FAM110B: variants seen among roughly 807,000 people sequenced by gnomAD.
The protein encoded by FAM110B is family with sequence similarity 110 member B.
A neutral mutation model predicts 20.4 loss-of-function variants in FAM110B; 6 were observed. The ratio of observed to expected loss-of-function variants is 0.29; its 90% confidence interval spans 0.16 to 0.58. FAM110B has a LOEUF of 0.58. Ranked by LOEUF, FAM110B falls within the 20% of genes least tolerant of loss-of-function variation. The pLI is 0.90. For missense variants in FAM110B, 434 were observed against 498.2 expected, an observed-to-expected ratio of 0.87 and a Z score of 1.23; for synonymous variants, 226 against 214.1, an observed-to-expected ratio of 1.06 and a Z score of -0.49.
At position 58,105,556 on chromosome 8, in the gene FAM110B, A is replaced by ATTTTTTTTTT. The variant is rs71557704; in HGVS notation, c.-325+29954_-325+29963dup. 3.1e-4 allele frequency among the ~76,000 whole-genome samples: 29 copies of ATTTTTTTTTT among 94,634 alleles called. 2 individuals are homozygous for ATTTTTTTTTT. The highest frequency in any genetic ancestry group is 4.5e-4 in the Non-Finnish European group (23 of 50,628). 62.1% of individuals were successfully genotyped at this position (94,634 alleles called of 152,430 possible). A position where few individuals can be genotyped will look rare whatever the true frequency, so the allele number is the denominator to read the frequency against. On this transcript the variant is annotated intron_variant, in intron 3 of 3. Coordinates refer to ENST00000519262, the MANE Select transcript of FAM110B (RefSeq NM_001377989.1). ...TGAAAATGAATGAATGAATGAATGA[A>ATTTTTTTTTT]TTTTTTTTTTTTTTTTTTTTTTTTT... is the stretch of plus-strand genomic sequence containing the variant.
chr8:58,058,060 A>G (rs1023689606), intron 2 of FAM110B, among the ~76,000 whole-genome samples: 4 of 152,144 alleles, frequency 2.6e-5, no homozygotes, highest in African/African-American at 9.7e-5. Context: ...ATGTGGCTTT[A>G]TTATTGTTTT....
intron 3 of FAM110B, among the ~76,000 whole-genome samples, chr8:58,093,042 CT>C (rs1269254513): frequency 8.5e-5 from 13 of 152,138 alleles, no homozygotes; most frequent in Admixed American, 5.9e-4. Flanking sequence ...GCATAAATGT[CT>C]TCTTTTGAAA....
rs571155557 is a variant in FAM110B at position 58,013,211 on chromosome 8, C to A, written c.-511-18395C>A. Among the ~76,000 whole-genome samples the A allele has an allele frequency of 3.3e-5, 5 of 152,330 alleles. No individual in the cohort carries two copies. The South Asian group carries it at 1.0e-3, about 32-fold the overall frequency. On this transcript the variant is annotated intron_variant, in intron 1 of 3. Coordinates refer to ENST00000519262, the MANE Select transcript of FAM110B (RefSeq NM_001377989.1). ...TCTTTACTGCACTAGATGGCAAATG[C>A]CTGCTGTTACAGAATCTTTCCCCAA...
intron 1 of FAM110B, among the ~76,000 whole-genome samples, chr8:58,009,195 T>C (rs1462193130): frequency 1.3e-5 from 2 of 152,256 alleles, no homozygotes; most frequent in Non-Finnish European, 2.9e-5. Flanking sequence ...ACCTCTCTGC[T>C]GCTTTGAGAG....
chr8:58,025,403 G>T (rs575853414), intron 1 of FAM110B, among the ~76,000 whole-genome samples: 1 of 152,156 alleles, frequency 6.6e-6, no homozygotes, highest in African/African-American at 2.4e-5. Flanking sequence ...CCTGATGAGA[G>T]GGTGCTGTAG....
rs546513191 is a variant in FAM110B at position 58,095,513 on chromosome 8, G to A, written c.-325+19890G>A. 2.0e-5 allele frequency among the ~76,000 whole-genome samples: 3 copies of A among 152,266 alleles called. No individual in the cohort carries two copies. In the South Asian group the frequency reaches 6.2e-4, roughly 32 times the overall value. The stretch of plus-strand genomic sequence containing the variant: ...CGTTATTTTTCTAGTAGTCATTCAG[G>A]AGCAGGTTGTTTGGTTTCCATGTAG... On this transcript the variant is annotated intron_variant, in intron 3 of 3. Transcript: ENST00000519262.
chr8:58,001,476 A>G (rs1347386925), intron 1 of FAM110B, among the ~76,000 whole-genome samples: 6 of 152,078 alleles, frequency 3.9e-5, no homozygotes, highest in African/African-American at 1.2e-4. Flanking sequence ...TCAATGTGAC[A>G]TGTGTTTTAA....
chr8:58,088,586 A>G (rs1159112165), intron 3 of FAM110B, among the ~76,000 whole-genome samples: 1 of 152,220 alleles, frequency 6.6e-6, no homozygotes, highest in East Asian at 1.9e-4. Flanking sequence ...CTCATTCCCC[A>G]AACTTTAGAA....
At chr8:58,018,827 T>C (rs1438029563) in intron 1 of FAM110B, among the ~76,000 whole-genome samples, 1 of 151,886 alleles carries the variant, frequency 6.6e-6, no homozygotes, top group Non-Finnish European at 1.5e-5. Context: ...GATAGATAGA[T>C]AGATAGATAG....
At chr8:58,015,643 C>T (rs768836045) in intron 1 of FAM110B, among the ~76,000 whole-genome samples, 4 of 151,758 alleles carry the variant, frequency 2.6e-5, no homozygotes, top group Non-Finnish European at 4.4e-5. Context: ...GTCAGGAGTT[C>T]GAGACCAGCC....
At chr8:58,040,310 G>A (rs1461758051) in intron 2 of FAM110B, among the ~76,000 whole-genome samples, 1 of 152,186 alleles carries the variant, frequency 6.6e-6, no homozygotes, top group African/African-American at 2.4e-5. Context: ...CACAGAAGCA[G>A]TTTGCTTTCC....
chr8:58,107,144 A>G (rs1422301292), intron 3 of FAM110B, among the ~76,000 whole-genome samples: 1 of 152,194 alleles, frequency 6.6e-6, no homozygotes, highest in Non-Finnish European at 1.5e-5. Context: ...AAATTAGTTA[A>G]CACATTCTCA....
rs760061732 is a variant in FAM110B at position 58,146,572 on chromosome 8, G to C, written c.342G>C (p.Glu114Asp). Residue 114 changes from glutamate to aspartate, a missense_variant, in exon 4 of 4, where the codon GAG (glutamate) becomes GAC (aspartate). By Grantham distance (45) the Glu-to-Asp change is conservative. Coordinates refer to ENST00000519262, the MANE Select transcript of FAM110B (RefSeq NM_001377989.1). The stretch of plus-strand genomic sequence containing the variant: ...AGACCGAGAGCGGCGTGCAGAGGGA[G>C]AACCTGAAGCTGGAGATCCTGAAGA... Reference protein sequence around the residue: ...HAKTESGVQRENLKLEILKNI... With the variant: ...HAKTESGVQRDNLKLEILKNI... The C allele has an allele frequency of 6.2e-7, 1 of 1,613,940 alleles. No homozygotes were observed. The highest frequency in any genetic ancestry group is 1.7e-5 in the Admixed American group (1 of 60,006).
intron 2 of FAM110B, among the ~76,000 whole-genome samples, chr8:58,069,612 G>A (rs1805844854): frequency 6.6e-6 from 1 of 152,142 alleles, no homozygotes; most frequent in African/African-American, 2.4e-5. Flanking sequence ...ATTAATCACT[G>A]TAGTCAAGAT....
At chr8:58,119,995 C>T (rs1229428857) in intron 3 of FAM110B, among the ~76,000 whole-genome samples, 1 of 152,296 alleles carries the variant, frequency 6.6e-6, no homozygotes, top group Non-Finnish European at 1.5e-5. Context: ...AAGGTCGGTC[C>T]GACTTCCAAA....
intron 2 of FAM110B, among the ~76,000 whole-genome samples, chr8:58,051,431 T>A (rs148776171): frequency 9.9e-5 from 15 of 152,212 alleles, no homozygotes; most frequent in African/African-American, 2.9e-4. Context: ...TTTAGAAATG[T>A]TTTGTGTTCC....
chr8:58,006,381 G>A (rs1439376011), intron 1 of FAM110B, among the ~76,000 whole-genome samples: 1 of 152,156 alleles, frequency 6.6e-6, no homozygotes. Flanking sequence ...ACAGACACTG[G>A]CTTGGGATAA....
At chr8:58,053,411 A>G (rs1189998222) in intron 2 of FAM110B, among the ~76,000 whole-genome samples, 1 of 152,144 alleles carries the variant, frequency 6.6e-6, no homozygotes, top group Non-Finnish European at 1.5e-5. Flanking sequence ...CACAGCAGGA[A>G]GAAAGATGCT....
At chr8:58,086,145 G>A (rs1563364692) in intron 3 of FAM110B, among the ~76,000 whole-genome samples, 1 of 152,150 alleles carries the variant, frequency 6.6e-6, no homozygotes, top group African/African-American at 2.4e-5. Context: ...CGAATCTGCA[G>A]CTCTTCTAAG....
Sources: allele counts gnomAD v4.1 joint callset (sites outside exome capture counted in the v4.1 genomes callset), GRCh38; gene constraint gnomAD v4.1.1; transcripts MANE v1.5; gene names NCBI Gene and HGNC (gene_info 2026-07-23, HGNC 2026-07-21).